The following LDLRAD4 variants were observed in gnomAD, a reference collection of about 807,000 sequenced individuals.
LDLRAD4 encodes low density lipoprotein receptor class A domain containing 4.
A neutral mutation model predicts 17.0 loss-of-function variants in LDLRAD4; 5 were observed. The ratio of observed to expected loss-of-function variants is 0.29; its 90% CI spans 0.15 to 0.62. LDLRAD4 has a LOEUF of 0.62. Among genes scored for constraint, LDLRAD4 ranks in the 20% least tolerant of loss-of-function variants. The probability of loss-of-function intolerance (pLI) is 0.84; values close to 1 mark genes in which losing one functional copy is unlikely to be tolerated. For synonymous variants in LDLRAD4, 168 were observed against 171.8 expected (o/e 0.98, Z 0.17); for missense variants, 340 against 424.7 (o/e 0.80, Z 1.75).
At chr18:13,259,736 C>T (rs932250251) in intron 1 of LDLRAD4, among the ~76,000 whole-genome samples, 1 of 140,324 alleles carries the variant, frequency 7.1e-6, no homozygotes, top group Admixed American at 7.0e-5. Context: ...ACTCAAGGGG[C>T]ATCACTTACA....
intron 3 of LDLRAD4, among the ~76,000 whole-genome samples, chr18:13,479,359 A>G (rs551216666): frequency 3.3e-5 from 5 of 152,364 alleles, no homozygotes; most frequent in African/African-American, 1.2e-4. Context: ...AGTGGCCGAC[A>G]TCTGTAATCC....
At chr18:13,321,196 G>A (rs1211530562) in intron 1 of LDLRAD4, among the ~76,000 whole-genome samples, 2 of 152,074 alleles carry the variant, frequency 1.3e-5, no homozygotes, top group Non-Finnish European at 2.9e-5. Flanking sequence ...AGACAGGCCG[G>A]TCTCCTGCCC....
At chr18:13,468,407 G>A (rs1379812149) in intron 3 of LDLRAD4, among the ~76,000 whole-genome samples, 2 of 152,184 alleles carry the variant, frequency 1.3e-5, no homozygotes, top group Non-Finnish European at 2.9e-5. Flanking sequence ...TGGTGGGACT[G>A]TAAACTAGTT....
intron 1 of LDLRAD4, among the ~76,000 whole-genome samples, chr18:13,374,532 T>C (rs1304087477): frequency 6.6e-6 from 1 of 152,178 alleles, no homozygotes; most frequent in Admixed American, 6.5e-5. Flanking sequence ...AGTCACCACA[T>C]CCCCGGAATT....
intron 1 of LDLRAD4, among the ~76,000 whole-genome samples, chr18:13,337,152 A>AT (rs2082142408): frequency 3.3e-5 from 5 of 152,102 alleles, no homozygotes; most frequent in African/African-American, 1.2e-4. Context: ...CATCTCTGAG[A>AT]TTTTTTAAAT....
chr18:13,336,105 A>C (rs893482812), intron 1 of LDLRAD4, among the ~76,000 whole-genome samples: 2 of 152,158 alleles, frequency 1.3e-5, no homozygotes, highest in Non-Finnish European at 2.9e-5. Context: ...GAGTGCAGGG[A>C]GGTGCCTGAC....
intron 3 of LDLRAD4, chr18:13,613,980 A>G (rs79845141): frequency 0.035 from 5,352 of 152,352 alleles, 244 homozygotes; most frequent in African/African-American, 0.1. Flanking sequence ...TCAGTGACAG[A>G]TCACACCCTC....
At chr18:13,231,414 T>C (rs756864483) in intron 1 of LDLRAD4, among the ~76,000 whole-genome samples, 1 of 152,198 alleles carries the variant, frequency 6.6e-6, no homozygotes, top group Non-Finnish European at 1.5e-5. Context: ...TTCCTCCTGA[T>C]TGCGGCCTGC....
At position 13,535,306 on chromosome 18, in the gene LDLRAD4, T is replaced by C. The variant is rs151281771; in HGVS notation, c.182-85811T>C. 8.5e-5 allele frequency among the ~76,000 whole-genome samples: 13 copies of C among 152,346 alleles called. No homozygotes were observed. The East Asian group carries it at 2.5e-3, about 29-fold the overall frequency. On this transcript the variant is annotated intron_variant, in intron 3 of 5. Transcript: ENST00000359446. The stretch of plus-strand genomic sequence containing the variant: ...AGCCAGCAATGAATGGGGGTTCTGA[T>C]TGAGCCACATTCTCATCAACACTTG...
At chr18:13,298,090 A>G (rs1417331498) in intron 1 of LDLRAD4, among the ~76,000 whole-genome samples, 2 of 152,220 alleles carry the variant, frequency 1.3e-5, no homozygotes, top group Non-Finnish European at 1.5e-5. Context: ...CCAGATGATT[A>G]CTGAGAGGCA....
At chr18:13,402,153 T>C (rs1448904588) in intron 2 of LDLRAD4, among the ~76,000 whole-genome samples, 1 of 152,226 alleles carries the variant, frequency 6.6e-6, no homozygotes, top group Non-Finnish European at 1.5e-5. Flanking sequence ...AACGTGCTTT[T>C]CCCTTCTTTT....
At chr18:13,642,800 CAGG>C in intron 4 of LDLRAD4, 1 of 1,175,158 alleles carries the variant, frequency 8.5e-7, no homozygotes, top group Non-Finnish European at 1.1e-6. Context: ...CTAATCTGGC[CAGG>C]AGTTCAACTT....
intron 3 of LDLRAD4, among the ~76,000 whole-genome samples, chr18:13,496,673 G>T (rs1413697781): frequency 2.6e-5 from 4 of 152,208 alleles, no homozygotes; most frequent in Admixed American, 2.0e-4. Flanking sequence ...CTGACTCTTG[G>T]TTCTGGTATC....
intron 1 of LDLRAD4, among the ~76,000 whole-genome samples, chr18:13,361,123 T>TC (rs2083639032): frequency 6.6e-6 from 1 of 152,074 alleles, no homozygotes; most frequent in Non-Finnish European, 1.5e-5. Flanking sequence ...TCAGCAGGGG[T>TC]CCCCTCCCGT....
intron 3 of LDLRAD4, chr18:13,612,774 G>C (rs2039719989): frequency 6.2e-7 from 1 of 1,613,932 alleles, no homozygotes; most frequent in Non-Finnish European, 8.5e-7. Flanking sequence ...CTTAAAAAAA[G>C]GTACATTTCC....
chr18:13,232,092 GCA>G (rs2042106133), intron 1 of LDLRAD4, among the ~76,000 whole-genome samples: 1 of 152,236 alleles, frequency 6.6e-6, no homozygotes. Context: ...GACTGAGGGG[GCA>G]CCCCGTGAAG....
intron 3 of LDLRAD4, among the ~76,000 whole-genome samples, chr18:13,439,886 T>G (rs943147714): frequency 6.6e-6 from 1 of 152,200 alleles, no homozygotes; most frequent in African/African-American, 2.4e-5. Flanking sequence ...CTCCTGAGCC[T>G]CAGTGCCCTC....
intron 1 of LDLRAD4, among the ~76,000 whole-genome samples, chr18:13,350,847 T>C (rs2082996633): frequency 6.6e-6 from 1 of 152,346 alleles, no homozygotes; most frequent in Non-Finnish European, 1.5e-5. Context: ...TTTCTGAATA[T>C]AGCTAGCCAG....
intron 3 of LDLRAD4, among the ~76,000 whole-genome samples, chr18:13,493,919 T>G (rs2147144456): frequency 6.6e-6 from 1 of 152,082 alleles, no homozygotes; most frequent in African/African-American, 2.4e-5. Context: ...ACCCAGGGGG[T>G]CCCCGCTTCT....
Sources: allele counts gnomAD v4.1 joint callset (sites outside exome capture counted in the v4.1 genomes callset), GRCh38; gene constraint gnomAD v4.1.1; transcripts MANE v1.5; gene names NCBI Gene and HGNC (gene_info 2026-07-23, HGNC 2026-07-21).